The following ADGRF5 variants were observed in gnomAD, a reference collection of about 807,000 sequenced individuals.
ADGRF5 encodes adhesion G protein-coupled receptor F5.
Under a neutral mutation model 132.3 loss-of-function variants are expected in ADGRF5, and 75 were observed. The ratio of observed to expected loss-of-function variants is 0.57; its 90% confidence interval spans 0.47 to 0.69. The LOEUF is 0.69. Ranked by LOEUF, ADGRF5 falls within the 30% of genes least tolerant of loss-of-function variation. The pLI is 0.00. For synonymous variants in ADGRF5, 629 were observed against 597.6 expected (o/e 1.05, Z -0.77); for missense variants, 1,516 against 1,630.6 (o/e 0.93, Z 1.21).
chr6:46,935,837 G>T (rs1777793437), intron 1 of ADGRF5, among the ~76,000 whole-genome samples: 1 of 152,196 alleles, frequency 6.6e-6, no homozygotes, highest in East Asian at 1.9e-4. Flanking sequence ...CTGACCTGGA[G>T]TGAGAAGGAA....
intron 1 of ADGRF5, among the ~76,000 whole-genome samples, chr6:46,927,771 C>G (rs920149461): frequency 6.6e-6 from 1 of 152,112 alleles, no homozygotes. Flanking sequence ...ACCTAGGTAC[C>G]AGCTTTCATA....
intron 1 of ADGRF5, among the ~76,000 whole-genome samples, chr6:46,908,574 T>C (rs1775629101): frequency 6.6e-6 from 1 of 152,172 alleles, no homozygotes; most frequent in African/African-American, 2.4e-5. Flanking sequence ...ATTGCATCCT[T>C]TTTTTGGTCA....
intron 1 of ADGRF5, among the ~76,000 whole-genome samples, chr6:46,917,891 G>A (rs1776564669): frequency 6.6e-6 from 1 of 152,216 alleles, no homozygotes; most frequent in East Asian, 1.9e-4. Context: ...AGAACTTCAA[G>A]TATAATAATT....
intron 1 of ADGRF5, among the ~76,000 whole-genome samples, chr6:46,911,033 A>G (rs1775896967): frequency 6.6e-6 from 1 of 152,154 alleles, no homozygotes; most frequent in South Asian, 2.1e-4. Context: ...TTATCTCACC[A>G]CTTCTGACTT....
Position 46,858,874 on chromosome 6 carries a change from A to T in ADGRF5, c.3029T>A (p.Ile1010Lys), listed in dbSNP as rs748470850. 3.1e-6 allele frequency: 5 copies of T among 1,613,986 alleles called. No homozygotes were observed. The African/African-American group carries it at 6.7e-5, about 22-fold the overall frequency. ...AACATAAGAAATAATATCCAGGAGT[A>T]TTCCCAGGAGAGAACTAGGATCTGG... ...DSPDPSSLLG[I>K]LLDIISYVGV... Residue 1010 changes from isoleucine (I) to lysine (K), a missense_variant, in exon 17 of 21, where the codon ATA (isoleucine) becomes AAA (lysine). Physicochemically the swap from Ile to Lys is moderately radical, Grantham distance 102. This residue lies in a region of ADGRF5 where 571 missense variants were observed against 701.2 expected (regional missense o/e 0.81). Coordinates refer to ENST00000283296, the MANE Select transcript of ADGRF5 (RefSeq NM_001098518.2).
At chr6:46,866,200 C>G (rs941556837) in intron 13 of ADGRF5, among the ~76,000 whole-genome samples, 2 of 152,066 alleles carry the variant, frequency 1.3e-5, no homozygotes, top group Non-Finnish European at 2.9e-5. Flanking sequence ...AATTCAAAGC[C>G]CAAACCTGAG....
At chr6:46,945,919 A>G (rs1037152772) in intron 1 of ADGRF5, among the ~76,000 whole-genome samples, 3 of 152,188 alleles carry the variant, frequency 2.0e-5, no homozygotes, top group East Asian at 1.9e-4. Flanking sequence ...AAACCATCAG[A>G]TCTCATGAGA....
At position 46,881,535 on chromosome 6, in the gene ADGRF5, T is replaced by C. The variant is rs988070062; in HGVS notation, c.734A>G (p.His245Arg). The stretch of plus-strand genomic sequence containing the variant: ...CTGTACAACTTGTTCATTGGCTTTA[T>C]GTATTAACTCAAGTGATGGTGGTGT... The part of the protein sequence containing the change: ...KTTPPSLELI[H>R]KANEQVVQSL... The change falls in exon 8 of 21, where the codon CAT (histidine) becomes CGT (arginine). Residue 245 changes from histidine to arginine, a missense_variant. By Grantham distance (29) the His-to-Arg change is conservative (BLOSUM62 0). This residue lies in a region of ADGRF5 where 945 missense variants were observed against 929.4 expected (regional missense o/e 1.02). Coordinates refer to ENST00000283296, the MANE Select transcript of ADGRF5 (RefSeq NM_001098518.2). 9.9e-6 allele frequency: 16 copies of C among 1,613,580 alleles called. No homozygotes were observed. The highest frequency in any genetic ancestry group is 1.4e-5 in the Non-Finnish European group (16 of 1,179,470).
chr6:46,868,041 A>T (rs1203885812), intron 12 of ADGRF5, among the ~76,000 whole-genome samples: 1 of 152,222 alleles, frequency 6.6e-6, no homozygotes, highest in Non-Finnish European at 1.5e-5. Context: ...CAGCCCAAAC[A>T]ATAACTAGTT....
At position 46,906,700 on chromosome 6, in the gene ADGRF5, A is replaced by T; in HGVS notation, c.63T>A (p.Ala21=). 1 of 1,602,596 alleles carries T rather than the reference A, an allele frequency of 6.2e-7. No homozygotes were observed. Among genetic ancestry groups the T allele is most frequent in the Non-Finnish European group, 8.6e-7 (1 of 1,169,512 alleles). ...LMFIVIYSSK[A]ALNWNYESTI... is the part of the protein sequence containing the mutation. ...TAGACTCGTAATTCCAGTTCAGTGC[A>T]GCTTTGGAAGAATAAATCACAATAA... The change falls in exon 2 of 21, where the codon GCT becomes GCA. Residue 21 remains alanine, a synonymous_variant. Coordinates refer to ENST00000283296, the MANE Select transcript of ADGRF5 (RefSeq NM_001098518.2).
chr6:46,879,930 T>C lies in ADGRF5; in HGVS notation c.924A>G (p.Glu308=). ...TGCTGTTCTGGATTTCCAACTGCTG[T>C]TCTTCATAGCGCCAAGACACATTGG... The part of the protein sequence containing the change: ...LSSNVSWRYE[E]QQLEIQNSSR... The change falls in exon 9 of 21, where the codon GAA becomes GAG. Residue 308 remains glutamate, a synonymous_variant. Coordinates refer to ENST00000283296, the MANE Select transcript of ADGRF5 (RefSeq NM_001098518.2). 1 of 1,614,044 alleles carries C rather than the reference T, an allele frequency of 6.2e-7. No individual in the cohort carries two copies. The highest frequency in any genetic ancestry group is 8.5e-7 in the Non-Finnish European group (1 of 1,179,908).
At chr6:46,892,982 T>C (rs1474678620) in intron 3 of ADGRF5, among the ~76,000 whole-genome samples, 1 of 150,906 alleles carries the variant, frequency 6.6e-6, no homozygotes, top group African/African-American at 2.4e-5. Flanking sequence ...GGATCTTTCA[T>C]CATTATACTG....
intron 4 of ADGRF5, 26 bp from the exon 5 acceptor site, chr6:46,884,297 G>T (rs1316762627): frequency 6.3e-7 from 1 of 1,582,800 alleles, no homozygotes; most frequent in African/African-American, 1.3e-5. Flanking sequence ...ACAGCAAGGA[G>T]AGAGAAGGTG....
At chr6:46,942,365 G>A (rs1395484888) in intron 1 of ADGRF5, among the ~76,000 whole-genome samples, 1 of 152,214 alleles carries the variant, frequency 6.6e-6, no homozygotes, top group East Asian at 1.9e-4. Flanking sequence ...TGTTTGTTAT[G>A]AATGAATCCC....
At chr6:46,865,472 T>A (rs933154281) in intron 13 of ADGRF5, among the ~76,000 whole-genome samples, 14 of 152,206 alleles carry the variant, frequency 9.2e-5, no homozygotes, top group African/African-American at 3.4e-4. Context: ...CTTCTCCCTA[T>A]CTAAATTTCA....
chr6:46,924,195 G>C (rs969989987), upstream of ADGRF5, among the ~76,000 whole-genome samples: 1 of 152,014 alleles, frequency 6.6e-6, no homozygotes, highest in African/African-American at 2.4e-5. Flanking sequence ...TAAGTTCCAG[G>C]TGTTATTTCT....
At chr6:46,875,393 C>A (rs1381230941) in intron 10 of ADGRF5, among the ~76,000 whole-genome samples, 1 of 152,136 alleles carries the variant, frequency 6.6e-6, no homozygotes, top group Non-Finnish European at 1.5e-5. Context: ...TAGATGACAT[C>A]CCAGACCTTC....
At chr6:46,878,929 G>A (rs571646190) in intron 9 of ADGRF5, among the ~76,000 whole-genome samples, 206 of 152,250 alleles carry the variant, frequency 1.4e-3, no homozygotes, top group Non-Finnish European at 2.5e-3. Flanking sequence ...GCTTGCTTCT[G>A]TAGTTGCTTG....
At chr6:46,907,384 T>A (rs1775495433) in intron 1 of ADGRF5, among the ~76,000 whole-genome samples, 1 of 152,122 alleles carries the variant, frequency 6.6e-6, no homozygotes, top group Non-Finnish European at 1.5e-5. Context: ...TTTTTTTTAT[T>A]TTTTGAGACA....
Sources: gnomAD v4.1 joint callset for allele counts (sites outside exome capture counted in the v4.1 genomes callset) on GRCh38, gnomAD v4.1.1 for gene constraint, gnomAD v4.1.1 regional missense constraint, MANE v1.5 for transcripts, NCBI Gene and HGNC (gene_info 2026-07-23, HGNC 2026-07-21) for gene names.